Variants in CLIP1 observed in about 807,000 individuals in gnomAD.
The protein encoded by CLIP1 is CAP-Gly domain-containing linker protein 1.
Under a neutral mutation model 161.6 loss-of-function variants are expected in CLIP1, and 66 were observed. The observed-to-expected ratio is 0.41, with a 90% CI of 0.33 to 0.50. The LOEUF is 0.50. CLIP1 is among the 20% of genes least tolerant of loss of function. The pLI, the probability that CLIP1 is intolerant of heterozygous loss-of-function variation, is 0.27. For missense variants in CLIP1, 1,376 were observed against 1,702.0 expected, an observed-to-expected ratio of 0.81 and a Z score of 3.37; for synonymous variants, 598 against 626.2, an observed-to-expected ratio of 0.96 and a Z score of 0.67.
At chr12:122,308,651 A>C (rs12310354) in intron 20 of CLIP1, among the ~76,000 whole-genome samples, 3,044 of 152,312 alleles carry the variant, frequency 0.02, 96 homozygotes, top group African/African-American at 0.068. Flanking sequence ...GGATAATAAT[A>C]GTGCTATTGC....
chr12:122,314,429 C>T (rs1337434056), intron 19 of CLIP1, among the ~76,000 whole-genome samples: 1 of 152,126 alleles, frequency 6.6e-6, no homozygotes, highest in Non-Finnish European at 1.5e-5. Context: ...AGAGATCACA[C>T]TACTACACTC....
chr12:122,319,332 T>G lies in CLIP1; in HGVS notation c.3266A>C (p.Glu1089Ala), dbSNP rs1281354456. The stretch of plus-strand genomic sequence containing the variant: ...CTGTTCCATTATCTGCATGGCATCT[T>G]CCGCTGTTTGAGCAGCCTAAATACA... ...ADKAKAAQTAEDAMQIMEQMT... is the reference protein window; with the variant it reads ...ADKAKAAQTAADAMQIMEQMT... The change falls in exon 18 of 26, where the codon GAA (glutamate) becomes GCA (alanine). Residue 1089 changes from glutamate to alanine, a missense_variant. By Grantham distance (107) the Glu-to-Ala change is moderately radical (BLOSUM62 -1). Around this residue, in one of 6 missense-constraint regions of CLIP1, gnomAD observed 948 missense variants for 1,134.8 expected, o/e 0.84. Coordinates refer to ENST00000620786, the MANE Select transcript of CLIP1 (RefSeq NM_001247997.2). 3 of 1,613,710 alleles carry G rather than the reference T, an allele frequency of 1.9e-6. No homozygotes were observed. In the East Asian group the frequency reaches 6.7e-5, roughly 36 times the overall value.
chr12:122,380,355 C>A lies in CLIP1; in HGVS notation c.85+13G>T. On this transcript the variant is annotated intron_variant, in intron 2 of 25. Coordinates refer to ENST00000620786, the MANE Select transcript of CLIP1 (RefSeq NM_001247997.2). ...CCATATAGGATAAGGAAAGGAAAAG[C>A]GTAAAGTATTACCAGCCGTAGGTGT... 1 of 1,589,542 alleles carries A rather than the reference C, an allele frequency of 6.3e-7. No individual in the cohort carries two copies. The highest frequency in any genetic ancestry group is 8.6e-7 in the Non-Finnish European group (1 of 1,163,102).
intron 20 of CLIP1, among the ~76,000 whole-genome samples, chr12:122,308,624 T>C (rs1414431056): frequency 6.6e-6 from 1 of 152,156 alleles, no homozygotes; most frequent in African/African-American, 2.4e-5. Context: ...TGCTTCCGTT[T>C]CCCCTTTTAC....
chr12:122,390,181 A>ATAT lies in CLIP1; in HGVS notation c.-106-9626_-106-9624dup, dbSNP rs1481155017. On this transcript the variant is annotated intron_variant, in intron 1 of 25. Coordinates refer to ENST00000620786, the MANE Select transcript of CLIP1 (RefSeq NM_001247997.2). ...AAATTACACAGTCTCAGATATATATATATATATATATATATAATATATATA... is the reference window on the plus strand; with the variant it reads ...AAATTACACAGTCTCAGATATATATATATTATATATATATATATAATATATATA... Among the ~76,000 whole-genome samples the ATAT allele has an allele frequency of 2.5e-4, 34 of 135,164 alleles. 1 individual carries two copies. The highest frequency in any genetic ancestry group is 6.3e-4 in the Admixed American group (8 of 12,712). 88.7% of individuals were successfully genotyped at this position (135,164 alleles called of 152,430 possible). A position where few individuals can be genotyped will look rare whatever the true frequency, so the allele number is the denominator to read the frequency against.
intron 1 of CLIP1, among the ~76,000 whole-genome samples, chr12:122,416,406 A>G (rs894118851): frequency 2.0e-5 from 3 of 152,116 alleles, no homozygotes; most frequent in African/African-American, 7.2e-5. Flanking sequence ...TTTTAGGCAA[A>G]TTAGGGAAAT....
intron 21 of CLIP1, among the ~76,000 whole-genome samples, chr12:122,282,371 G>C (rs1955681715): frequency 6.6e-6 from 1 of 152,022 alleles, no homozygotes; most frequent in African/African-American, 2.4e-5. Flanking sequence ...AAAAAATCAA[G>C]AAGGGAAAAT....
chr12:122,364,405 CT>C (rs35729680), intron 3 of CLIP1, among the ~76,000 whole-genome samples: 69,242 of 137,792 alleles, frequency 0.5, 17,755 homozygotes, highest in Non-Finnish European at 0.6. Flanking sequence ...TTAGAAAATA[CT>C]TTTTTTTTTT....
intron 1 of CLIP1, among the ~76,000 whole-genome samples, chr12:122,416,115 G>A (rs2137211070): frequency 6.6e-6 from 1 of 151,750 alleles, no homozygotes; most frequent in African/African-American, 2.4e-5. Context: ...GCAGGCGCCT[G>A]TAATCCCAGC....
intron 1 of CLIP1, among the ~76,000 whole-genome samples, chr12:122,410,027 T>C (rs1478967182): frequency 6.6e-6 from 1 of 151,292 alleles, no homozygotes. Flanking sequence ...CCTGTCACCA[T>C]GCCTGGCTAA....
chr12:122,377,711 T>G lies in CLIP1; in HGVS notation c.335A>C (p.Glu112Ala). ...SVAGVRYFQC[E>A]PLKGIFTRPS... ...TCGGGTAAATATGCCCTTTAAAGGT[T>G]CACACTGGAAATACCGAACTCCTGC... Residue 112 changes from glutamate (E) to alanine (A), a missense_variant, in exon 3 of 26, where the codon GAA becomes GCA. This residue lies in a region of CLIP1 where 119 missense variants were observed against 112.0 expected (regional missense o/e 1.06). Coordinates refer to ENST00000620786, the MANE Select transcript of CLIP1 (RefSeq NM_001247997.2). 1 of 1,613,828 alleles carries G rather than the reference T, an allele frequency of 6.2e-7. No individual in the cohort carries two copies. Among genetic ancestry groups the G allele is most frequent in the South Asian group, 1.1e-5 (1 of 91,044 alleles).
At chr12:122,422,737 G>T (rs1957003950), upstream of CLIP1, 1 of 137,726 alleles carries the variant, frequency 7.3e-6, no homozygotes, top group Non-Finnish European at 1.6e-5. Context: ...CGGCCCGGCC[G>T]GCCCGGCCCC....
intron 2 of CLIP1, among the ~76,000 whole-genome samples, chr12:122,378,971 C>T (rs1358887011): frequency 6.6e-6 from 1 of 151,884 alleles, no homozygotes; most frequent in African/African-American, 2.4e-5. Flanking sequence ...ACTAAAAATA[C>T]AAAATTAGCC....
At chr12:122,290,867 ATTTTTTTTT>A (rs1950221212) in intron 20 of CLIP1, among the ~76,000 whole-genome samples, 3 of 142,000 alleles carry the variant, frequency 2.1e-5, no homozygotes, top group African/African-American at 7.5e-5. Context: ...TCTTTTTTTT[ATTTTTTTTT>A]ATTTTTTTTA....
At chr12:122,289,346 G>A (rs1475279616) in intron 20 of CLIP1, among the ~76,000 whole-genome samples, 4 of 151,982 alleles carry the variant, frequency 2.6e-5, no homozygotes, top group African/African-American at 9.7e-5. Flanking sequence ...TTGAACCCAG[G>A]AGGCAGAGGT....
chr12:122,404,643 TC>T (rs1336508166), intron 1 of CLIP1, among the ~76,000 whole-genome samples: 2 of 148,340 alleles, frequency 1.3e-5, no homozygotes, highest in Non-Finnish European at 3.0e-5. Flanking sequence ...ACGCCTGTAA[TC>T]CCAGCACTTT....
chr12:122,340,315 G>C (rs1952440192), intron 11 of CLIP1, among the ~76,000 whole-genome samples: 1 of 152,084 alleles, frequency 6.6e-6, no homozygotes, highest in African/African-American at 2.4e-5. Flanking sequence ...CCTGACCTCA[G>C]GTGATCACCT....
chr12:122,321,712 T>C (rs1951512551), intron 17 of CLIP1, among the ~76,000 whole-genome samples: 1 of 151,996 alleles, frequency 6.6e-6, no homozygotes, highest in Non-Finnish European at 1.5e-5. Flanking sequence ...AGAGACAGGG[T>C]TTTGCCATGT....
chr12:122,278,422 C>T (rs1410118732), intron 23 of CLIP1: 2 of 580,018 alleles, frequency 3.4e-6, no homozygotes, highest in East Asian at 5.7e-5. Flanking sequence ...CGTGCTCTCC[C>T]TCAGGCCTGC....
Sources: gnomAD v4.1 joint callset for allele counts (sites outside exome capture counted in the v4.1 genomes callset) on GRCh38, gnomAD v4.1.1 for gene constraint, gnomAD v4.1.1 regional missense constraint, MANE v1.5 for transcripts, NCBI Gene and HGNC (gene_info 2026-07-23, HGNC 2026-07-21) for gene names.